DCST2: variants seen among roughly 807,000 people sequenced by gnomAD.
The protein encoded by DCST2 is DC-STAMP domain containing 2, also known as DC-STAMP domain-containing protein 2.
Under a neutral mutation model 81.8 loss-of-function variants are expected in DCST2, and 64 were observed. The ratio of observed to expected loss-of-function variants is 0.78; its 90% CI spans 0.64 to 0.96. DCST2 has a LOEUF of 0.96. DCST2 is among the 40% of genes least tolerant of loss of function. The pLI, the probability that DCST2 is intolerant of heterozygous loss-of-function variation, is 0.00. For missense variants in DCST2, 945 were observed against 1,001.4 expected (o/e 0.94, Z 0.76); for synonymous variants, 354 against 402.6 (o/e 0.88, Z 1.44).
intron 3 of DCST2, 44 bp downstream of exon 3, chr1:155,032,623 G>T: frequency 6.4e-7 from 1 of 1,562,380 alleles, no homozygotes; most frequent in Non-Finnish European, 8.8e-7. Flanking sequence ...GGCCAGGACT[G>T]GGTGCATTTT....
At position 155,023,254 on chromosome 1, in the gene DCST2, G is replaced by A. The variant is rs752780038; in HGVS notation, c.1968C>T (p.Asp656=). The A allele has an allele frequency of 1.9e-6, 3 of 1,614,136 alleles. No individual in the cohort carries two copies. The highest frequency in any genetic ancestry group is 2.2e-5 in the South Asian group (2 of 91,084). Residue 656 remains aspartate, a synonymous_variant, in exon 14 of 15, where the codon GAC becomes GAT. Transcript: ENST00000368424. ...SYQGDLDLEL[D]SSDEEGPQLW... ...GCTGAGGGCCCTCCTCATCGCTGGAGTCCCTGGAGAAGACTCTCATCTCAG... is the reference window on the plus strand; with the variant it reads ...GCTGAGGGCCCTCCTCATCGCTGGAATCCCTGGAGAAGACTCTCATCTCAG...
intron 10 of DCST2, 131 bp downstream of exon 10, chr1:155,026,171 T>C (rs1173818944): frequency 1.2e-5 from 10 of 807,126 alleles, no homozygotes; most frequent in Admixed American, 2.7e-5. Context: ...GTCATTTGCT[T>C]TGGAGTTCAA....
Position 155,031,110 on chromosome 1 carries a change from C to G in DCST2, c.805+59G>C, listed in dbSNP as rs1012735928. 1.9e-6 allele frequency: 3 copies of G among 1,541,722 alleles called. No homozygotes were observed. The African/African-American group carries it at 4.2e-5, about 22-fold the overall frequency. ...CACTGGGGGCTGGCCATGGCCACAC[C>G]GGGATGAGGGAGGGAGACCACTAGG... On this transcript the variant is annotated intron_variant, in intron 5 of 14. Transcript: ENST00000368424.
intron 14 of DCST2, among the ~76,000 whole-genome samples, chr1:155,020,199 T>C (rs1389110760): frequency 6.6e-6 from 1 of 152,226 alleles, no homozygotes; most frequent in African/African-American, 2.4e-5. Flanking sequence ...AAAACCCTTT[T>C]AGTGCTGAAT....
chr1:155,031,939 C>T (rs1660098972), intron 3 of DCST2, among the ~76,000 whole-genome samples, 168 bp from the exon 4 acceptor site: 1 of 152,162 alleles, frequency 6.6e-6, no homozygotes, highest in African/African-American at 2.4e-5. Flanking sequence ...GCCCAAAAAA[C>T]CCTGGACAGG....
chr1:155,024,011 T>A, intron 11 of DCST2, 52 bp from the exon 12 acceptor site: 2 of 1,582,752 alleles, frequency 1.3e-6, no homozygotes, highest in Non-Finnish European at 1.7e-6. Context: ...AGCTTAACCC[T>A]CCCCACTCCA....
At position 155,031,656 on chromosome 1, in the gene DCST2, G is replaced by A. The variant is rs1274406922; in HGVS notation, c.657C>T (p.Ser219=). Reference sequence around the variant, plus strand: ...AGGCTTGTGGTATGACCATCATGCAGCTGTCCTTGGCATCATCGAAAACCC... The same window carrying A: ...AGGCTTGTGGTATGACCATCATGCAACTGTCCTTGGCATCATCGAAAACCC... The part of the protein sequence containing the change: ...CARVFDDAKD[S]CMMVIPQAYH... The change falls in exon 4 of 15, where the codon AGC becomes AGT. Residue 219 remains serine, a synonymous_variant. Transcript: ENST00000368424. The A allele has an allele frequency of 6.2e-7, 1 of 1,614,166 alleles. No homozygotes were observed. The highest frequency in any genetic ancestry group is 2.2e-5 in the East Asian group (1 of 44,884).
chr1:155,032,640 C>G, intron 3 of DCST2, 27 bp downstream of exon 3: 1 of 1,607,440 alleles, frequency 6.2e-7, no homozygotes, highest in Non-Finnish European at 8.5e-7. Context: ...TTTTGAGTCC[C>G]CGGGATAGAC....
intron 10 of DCST2, among the ~76,000 whole-genome samples, chr1:155,025,583 T>A (rs1659877485): frequency 6.6e-6 from 1 of 152,116 alleles, no homozygotes; most frequent in African/African-American, 2.4e-5. Context: ...CACCTCGGCC[T>A]CCTAAAGTGC....
chr1:155,031,448 T>G (rs1019193311), intron 4 of DCST2, 126 bp downstream of exon 4: 21 of 594,580 alleles, frequency 3.5e-5, no homozygotes, highest in Non-Finnish European at 5.6e-5. Flanking sequence ...CCTACCAAGC[T>G]TATTGGTTCC....
At chr1:155,023,739 A>G (rs963639282) in intron 12 of DCST2, 93 bp downstream of exon 12, 3 of 1,594,012 alleles carry the variant, frequency 1.9e-6, no homozygotes, top group East Asian at 2.3e-5. Flanking sequence ...ATGAGGTACA[A>G]GAGAAGTCCA....
rs1659650767 is a variant in DCST2, at chr1:155,018,740, C to T, written c.2126G>A (p.Gly709Glu). 6.2e-7 allele frequency: 1 copy of T among 1,613,214 alleles called. No homozygotes were observed. Residue 709 changes from glycine to glutamate, a missense_variant, in exon 15 of 15, where the codon GGG (glycine) becomes GAG (glutamate). By Grantham distance (98) the Gly-to-Glu change is moderately conservative (BLOSUM62 -2). Transcript: ENST00000368424. ...CTGCCCGTGCTTCCTCTGCTGAGGCCCCTTCTCCTCATCCAGGTCACTAGT... is the reference window on the plus strand; with the variant it reads ...CTGCCCGTGCTTCCTCTGCTGAGGCTCCTTCTCCTCATCCAGGTCACTAGT... ...SESSDLDEEKGPQQRKHGQQP... is the reference protein window; with the variant it reads ...SESSDLDEEKEPQQRKHGQQP...
At chr1:155,018,894 C>T in intron 14 of DCST2, 134 bp from the exon 15 acceptor site, 1 of 869,794 alleles carries the variant, frequency 1.1e-6, no homozygotes, top group Admixed American at 2.5e-5. Context: ...CTCTCAGGCC[C>T]ACGAGGCGTA....
chr1:155,032,012 A>T (rs1660104843), intron 3 of DCST2, among the ~76,000 whole-genome samples: 1 of 151,996 alleles, frequency 6.6e-6, no homozygotes, highest in Non-Finnish European at 1.5e-5. Flanking sequence ...TTTTGTTTTG[A>T]GATGGAGTTT....
chr1:155,023,869 CAT>C lies in DCST2; in HGVS notation c.1831_1832del (p.Met611GlyfsTer49). On this transcript the variant is annotated frameshift_variant, in exon 12 of 15. Coordinates refer to ENST00000368424, the MANE Select transcript of DCST2 (RefSeq NM_144622.3). LOFTEE classifies it high-confidence loss of function. ...GCGQPQDEGDMENTVSCSTPG... is the reference protein window; with the variant it reads ...GCGQPQDEGDXENTVSCSTPG... ...GGGTACTGCAGGACACAGTGTTCTC[CAT>C]GTCTCCCTCATCCTGGGGCTGCCCA... is the stretch of plus-strand genomic sequence containing the variant. The C allele has an allele frequency of 6.2e-7, 1 of 1,613,722 alleles. No homozygotes were observed. The highest frequency in any genetic ancestry group is 1.1e-5 in the South Asian group (1 of 90,974).
intron 14 of DCST2, among the ~76,000 whole-genome samples, chr1:155,020,885 C>T (rs184901190): frequency 1.4e-3 from 217 of 151,050 alleles, no homozygotes; most frequent in African/African-American, 4.9e-3. Context: ...TGCAGTGGTG[C>T]AATCTTGGCT....
chr1:155,032,225 C>T (rs2102346015), intron 3 of DCST2, among the ~76,000 whole-genome samples: 1 of 152,128 alleles, frequency 6.6e-6, no homozygotes, highest in South Asian at 2.1e-4. Context: ...GATCTCCTGA[C>T]CTCCTGATCC....
At chr1:155,031,138 G>A (rs1433045733) in intron 5 of DCST2, 31 bp downstream of exon 5, 3 of 1,579,212 alleles carry the variant, frequency 1.9e-6, no homozygotes, top group South Asian at 1.2e-5. Context: ...CCACTAGGGA[G>A]CACCATATGT....
intron 7 of DCST2, 33 bp from the exon 8 acceptor site, chr1:155,029,430 C>G (rs750915865): frequency 6.2e-7 from 1 of 1,602,764 alleles, no homozygotes; most frequent in Non-Finnish European, 8.5e-7. Flanking sequence ...GGAGGATGCT[C>G]CCCAGTTCTC....
Sources: gnomAD v4.1 joint callset for allele counts (sites outside exome capture counted in the v4.1 genomes callset) on GRCh38, gnomAD v4.1.1 for gene constraint, MANE v1.5 for transcripts, NCBI Gene and HGNC (gene_info 2026-07-23, HGNC 2026-07-21) for gene names.